The following MYOM2 variants were observed in gnomAD, a reference collection of about 807,000 sequenced individuals.
MYOM2 encodes myomesin 2, also known as myomesin-2.
In MYOM2, 254 loss-of-function variants were observed where a neutral mutation model predicts 187.6. The ratio of observed to expected loss-of-function variants is 1.35; its 90% confidence interval spans 1.22 to 1.50. The LOEUF is 1.50. MYOM2 is among the 40% of genes most tolerant of loss of function. The probability of loss-of-function intolerance (pLI) is 0.00; values close to 1 mark genes in which losing one functional copy is unlikely to be tolerated. For synonymous variants in MYOM2, 981 were observed against 753.8 expected, an observed-to-expected ratio of 1.30 and a Z score of -4.94; for missense variants, 2,796 against 1,924.0, an observed-to-expected ratio of 1.45 and a Z score of -8.48.
intron 28 of MYOM2, among the ~76,000 whole-genome samples, chr8:2,121,641 A>G (rs1449953193): frequency 1.3e-5 from 2 of 152,228 alleles, no homozygotes; most frequent in African/African-American, 2.4e-5. Context: ...AAAAATTATT[A>G]ACGTGAAAAA....
At chr8:2,115,053 GTTAT>G (rs1257780966) in intron 25 of MYOM2, among the ~76,000 whole-genome samples, 2 of 149,094 alleles carry the variant, frequency 1.3e-5, no homozygotes, top group African/African-American at 5.0e-5. Context: ...TAGAATTAGA[GTTAT>G]TTAAGTGAAA....
intron 27 of MYOM2, 71 bp from the exon 28 acceptor site, chr8:2,117,814 T>A: frequency 1.0e-6 from 1 of 993,246 alleles, no homozygotes; most frequent in African/African-American, 1.6e-5. Flanking sequence ...GGTATATATA[T>A]ATAATAGCTA....
At chr8:2,100,795 T>TG in intron 19 of MYOM2, 81 bp from the exon 20 acceptor site, 1 of 1,412,804 alleles carries the variant, frequency 7.1e-7, no homozygotes, top group Non-Finnish European at 9.8e-7. Context: ...AGAGGAGCAG[T>TG]GGGTCCCCGG....
chr8:2,120,406 C>G (rs1797384815), intron 28 of MYOM2, among the ~76,000 whole-genome samples: 1 of 151,358 alleles, frequency 6.6e-6, no homozygotes, highest in Non-Finnish European at 1.5e-5. Context: ...GTTGATGAGC[C>G]TAAGTGTCAG....
intron 26 of MYOM2, 23 bp downstream of exon 26, chr8:2,116,127 A>C: frequency 1.3e-6 from 2 of 1,546,342 alleles, no homozygotes; most frequent in African/African-American, 4.0e-5. Flanking sequence ...GAATATTTCC[A>C]CGTCCATACA....
intron 29 of MYOM2, 69 bp from the exon 30 acceptor site, chr8:2,123,484 TTA>T: frequency 6.8e-7 from 1 of 1,475,828 alleles, no homozygotes; most frequent in Middle Eastern, 1.7e-4. Context: ...AGAAAATGTA[TTA>T]GAGTTTATTA....
At chr8:2,054,350 A>G (rs2129328067) in intron 3 of MYOM2, among the ~76,000 whole-genome samples, 1 of 152,334 alleles carries the variant, frequency 6.6e-6, no homozygotes, top group Admixed American at 6.5e-5. Flanking sequence ...TCTGGAAGAT[A>G]TGGCCCATTG....
At chr8:2,077,902 C>A (rs144357464) in intron 11 of MYOM2, among the ~76,000 whole-genome samples, 6 of 152,152 alleles carry the variant, frequency 3.9e-5, no homozygotes, top group Non-Finnish European at 8.8e-5. Context: ...TGGTTTTGAC[C>A]TGTTGTTCTC....
intron 25 of MYOM2, 50 bp from the exon 26 acceptor site, chr8:2,115,910 T>G (rs1797223988): frequency 6.3e-7 from 1 of 1,582,818 alleles, no homozygotes; most frequent in African/African-American, 1.4e-5. Flanking sequence ...AAGGGAAAAC[T>G]AGGAGAGATT....
chr8:2,078,174 A>G (rs1331904471), intron 11 of MYOM2, among the ~76,000 whole-genome samples: 2 of 152,218 alleles, frequency 1.3e-5, no homozygotes, highest in Non-Finnish European at 1.5e-5. Flanking sequence ...TAATATTTTC[A>G]AAAGACTTCT....
chr8:2,057,483 G>C lies in MYOM2; in HGVS notation c.399G>C (p.Gln133His), dbSNP rs763269158. 1.2e-6 allele frequency: 2 copies of C among 1,614,036 alleles called. No homozygotes were observed. The highest frequency in any genetic ancestry group is 1.7e-6 in the Non-Finnish European group (2 of 1,179,952). Residue 133 changes from glutamine to histidine, a missense_variant, in exon 4 of 37, where the codon CAG becomes CAC. Transcript: ENST00000262113. ...RDKLDKYAIQ[Q>H]MMEDKLAWER... Reference sequence around the variant, plus strand: ...AGCTGGACAAATACGCCATTCAGCAGATGGTAGGAGGGTCTCAGGGTGGCT... The same window carrying C: ...AGCTGGACAAATACGCCATTCAGCACATGGTAGGAGGGTCTCAGGGTGGCT...
intron 32 of MYOM2, among the ~76,000 whole-genome samples, chr8:2,136,248 A>G (rs1339177545): frequency 6.6e-6 from 1 of 152,172 alleles, no homozygotes; most frequent in Non-Finnish European, 1.5e-5. Context: ...AGCCCAGGGA[A>G]GGGTAGCGTC....
chr8:2,106,499 T>G lies in MYOM2; in HGVS notation c.2900T>G (p.Leu967Arg), dbSNP rs1316073817. 2 of 1,611,984 alleles carry G rather than the reference T, an allele frequency of 1.2e-6. No homozygotes were observed. Among genetic ancestry groups the G allele is most frequent in the African/African-American group, 1.3e-5 (1 of 74,900 alleles). The change falls in exon 23 of 37, where the codon CTG (leucine) becomes CGG (arginine). Residue 967 changes from leucine to arginine, a missense_variant. By Grantham distance (102) the Leu-to-Arg change is moderately radical. Transcript: ENST00000262113. ...KIETVGDHSKLYLKNPDKEDL... is the reference protein window; with the variant it reads ...KIETVGDHSKRYLKNPDKEDL... The stretch of plus-strand genomic sequence containing the variant: ...CTCTTCTTCCTTTTTAGCTCCAAGC[T>G]GTACTTAAAGAATCCGGATAAGGAG...
chr8:2,110,670 T>C (rs924023542), intron 25 of MYOM2, among the ~76,000 whole-genome samples: 12 of 152,132 alleles, frequency 7.9e-5, no homozygotes, highest in African/African-American at 2.2e-4. Flanking sequence ...TCAGTGTTGA[T>C]TGGTTTGTTC....
At chr8:2,120,543 T>C (rs2116849843) in intron 28 of MYOM2, among the ~76,000 whole-genome samples, 1 of 149,762 alleles carries the variant, frequency 6.7e-6, no homozygotes, top group South Asian at 2.1e-4. Flanking sequence ...TAGGTGGCTG[T>C]TGAACACACC....
intron 13 of MYOM2, 153 bp from the exon 14 acceptor site, chr8:2,085,110 C>A: frequency 1.2e-6 from 1 of 836,302 alleles, no homozygotes; most frequent in South Asian, 1.8e-5. Context: ...TCCTCTGGTT[C>A]CAAGGAAGCA....
At chr8:2,123,461 C>T (rs972130312) in intron 29 of MYOM2, 94 bp from the exon 30 acceptor site, 30 of 1,461,798 alleles carry the variant, frequency 2.1e-5, no homozygotes, top group African/African-American at 2.8e-5. Context: ...TCCTGAATTT[C>T]GGTGGTTTGC....
intron 6 of MYOM2, among the ~76,000 whole-genome samples, chr8:2,062,951 A>G (rs1295670209): frequency 1.3e-5 from 2 of 152,230 alleles, no homozygotes; most frequent in Non-Finnish European, 2.9e-5. Context: ...GGAATGGACT[A>G]ATTTGTGAGA....
chr8:2,106,117 G>T, intron 21 of MYOM2, 125 bp from the exon 22 acceptor site: 1 of 954,488 alleles, frequency 1.0e-6, no homozygotes, highest in East Asian at 2.5e-5. Context: ...CTCTACACTT[G>T]GGGATTACAA....
Sources: gnomAD v4.1 joint callset for allele counts (sites outside exome capture counted in the v4.1 genomes callset) on GRCh38, gnomAD v4.1.1 for gene constraint, MANE v1.5 for transcripts, NCBI Gene and HGNC (gene_info 2026-07-23, HGNC 2026-07-21) for gene names.